The following NDRG3 variants were observed in gnomAD, a reference collection of about 807,000 sequenced individuals.
The protein encoded by NDRG3 is protein NDRG3.
NDRG3 carries 23 observed loss-of-function variants against 57.2 expected under a neutral mutation model. The ratio of observed to expected loss-of-function variants is 0.40; its 90% CI spans 0.29 to 0.57. NDRG3 has a LOEUF of 0.57. NDRG3 is among the 20% of genes least tolerant of loss of function. The pLI, the probability that NDRG3 is intolerant of heterozygous loss-of-function variation, is 0.42. For synonymous variants in NDRG3, 132 were observed against 162.6 expected, an observed-to-expected ratio of 0.81 and a Z score of 1.43; for missense variants, 384 against 457.3, an observed-to-expected ratio of 0.84 and a Z score of 1.46.
chr20:36,673,725 C>T (rs1018241994), intron 8 of NDRG3, among the ~76,000 whole-genome samples: 7 of 152,098 alleles, frequency 4.6e-5, no homozygotes, highest in African/African-American at 1.7e-4. Context: ...TTGCAATTTA[C>T]TAGCAGTGTA....
At chr20:36,715,672 G>A (rs770189462) in intron 2 of NDRG3, among the ~76,000 whole-genome samples, 5 of 151,334 alleles carry the variant, frequency 3.3e-5, no homozygotes, top group Non-Finnish European at 7.4e-5. Context: ...TTAAAAATTG[G>A]CCAGGCATGG....
At chr20:36,660,496 C>G (rs1182284745) in intron 12 of NDRG3, 112 bp from the exon 13 acceptor site, 2 of 590,446 alleles carry the variant, frequency 3.4e-6, no homozygotes, top group Non-Finnish European at 6.0e-6. Context: ...CTGGAGAAGG[C>G]TGAGCCAGCC....
In NDRG3 at chr20:36,706,974, G is replaced by T. The variant is rs1983584294; in HGVS notation, c.91C>A (p.Gln31Lys). 1.2e-6 allele frequency: 2 copies of T among 1,613,514 alleles called. No individual in the cohort carries two copies. The highest frequency in any genetic ancestry group is 8.5e-7 in the Non-Finnish European group (1 of 1,179,510). ...CTTCTTGCTTGTACAGTCCTTACCT[G>T]ACAGTCAAAGTCCTGGAAGTTTCTT... ...GTRNFQDFDC[Q>K]EHDIETTHGV... The change falls in exon 3 of 16, where the codon CAG (glutamine) becomes AAG (lysine). Residue 31 changes from glutamine to lysine, a missense_variant and splice_region_variant. By Grantham distance (53) the Gln-to-Lys change is moderately conservative. Coordinates refer to ENST00000349004, the MANE Select transcript of NDRG3 (RefSeq NM_032013.4).
rs149815764 is a variant in NDRG3, at chr20:36,737,743, C to T, written c.-49+8302G>A. On this transcript the variant is annotated intron_variant, in intron 1 of 15. Coordinates refer to ENST00000349004, the MANE Select transcript of NDRG3 (RefSeq NM_032013.4). ...CATTAATCCTTCTAATGCATATTCT[C>T]AGGTTAGGTTACGGGAGCTTACCAG... 1.4e-3 allele frequency among the ~76,000 whole-genome samples: 220 copies of T among 152,222 alleles called. 2 individuals carry two copies. Among genetic ancestry groups the T allele is most frequent in the Non-Finnish European group, 2.5e-3 (173 of 68,020 alleles).
rs762703387 is a variant in NDRG3, at chr20:36,671,332, G to C, written c.588+9C>G. The C allele has an allele frequency of 2.5e-6, 4 of 1,611,078 alleles. No homozygotes were observed. The Admixed American group carries it at 6.7e-5, about 27-fold the overall frequency. ...AAACACAGCTCTTCTGGGTGGAACA[G>C]GTACTTACCTGCCCAAAGTGATGAG... On this transcript the variant is annotated intron_variant, in intron 9 of 15. Transcript: ENST00000349004.
At chr20:36,729,844 C>T (rs1985168826) in intron 1 of NDRG3, among the ~76,000 whole-genome samples, 2 of 152,002 alleles carry the variant, frequency 1.3e-5, no homozygotes, top group Admixed American at 6.6e-5. Flanking sequence ...CAACAATCTT[C>T]AATAGAGATC....
At chr20:36,723,659 A>AGTGTGTGTGTGTGTGTGTGT (rs36022065) in intron 1 of NDRG3, among the ~76,000 whole-genome samples, 15 of 132,938 alleles carry the variant, frequency 1.1e-4, no homozygotes, top group African/African-American at 2.8e-4. Flanking sequence ...ATATTAGTCT[A>AGTGTGTGTGTGTGTGTGTGT]GTGTGTGTGT....
chr20:36,744,339 A>T (rs1986078664), intron 1 of NDRG3, among the ~76,000 whole-genome samples: 1 of 152,128 alleles, frequency 6.6e-6, no homozygotes, highest in Non-Finnish European at 1.5e-5. Flanking sequence ...ACTGAAGGGC[A>T]GGAAGGAGGA....
intron 8 of NDRG3, among the ~76,000 whole-genome samples, chr20:36,676,160 A>G (rs1980684747): frequency 6.6e-6 from 1 of 152,072 alleles, no homozygotes. Flanking sequence ...GAATGGCGTG[A>G]ACCCGGGAGG....
chr20:36,695,497 T>C (rs1982697813), intron 3 of NDRG3, among the ~76,000 whole-genome samples: 1 of 152,148 alleles, frequency 6.6e-6, no homozygotes, highest in African/African-American at 2.4e-5. Flanking sequence ...TTAACAGCCC[T>C]GGGAAAAGAA....
chr20:36,703,654 G>A (rs1386890808), intron 3 of NDRG3, among the ~76,000 whole-genome samples: 2 of 152,046 alleles, frequency 1.3e-5, no homozygotes, highest in Non-Finnish European at 2.9e-5. Context: ...GTCTCCCTAT[G>A]TTGCTCAGGC....
intron 8 of NDRG3, among the ~76,000 whole-genome samples, chr20:36,674,722 C>T (rs1033402518): frequency 1.3e-5 from 2 of 151,240 alleles, no homozygotes; most frequent in Admixed American, 6.6e-5. Flanking sequence ...TTCAGCCTCC[C>T]GAGTAGCTGG....
At chr20:36,666,990 T>C (rs1444342070) in intron 9 of NDRG3, among the ~76,000 whole-genome samples, 1 of 152,138 alleles carries the variant, frequency 6.6e-6, no homozygotes, top group African/African-American at 2.4e-5. Flanking sequence ...TGCACCACCA[T>C]GCTCAGCTAA....
intron 13 of NDRG3, 85 bp downstream of exon 13, chr20:36,660,252 G>C: frequency 9.4e-7 from 1 of 1,068,586 alleles, no homozygotes; most frequent in Non-Finnish European, 1.4e-6. Context: ...GGGAAGCTTT[G>C]CTCCTTTCTA....
At chr20:36,654,733 T>G (rs2148013281) in intron 15 of NDRG3, 1 of 777,674 alleles carries the variant, frequency 1.3e-6, no homozygotes, top group South Asian at 1.3e-5. Context: ...ACCGCGGACA[T>G]GCTGCAGGCA....
intron 7 of NDRG3, among the ~76,000 whole-genome samples, chr20:36,681,210 C>A (rs1981258635): frequency 6.6e-6 from 1 of 152,142 alleles, no homozygotes; most frequent in South Asian, 2.1e-4. Flanking sequence ...TTGGCACAAG[C>A]AGCTGCTCCA....
chr20:36,703,342 T>C (rs1040388017), intron 3 of NDRG3, among the ~76,000 whole-genome samples: 1 of 152,004 alleles, frequency 6.6e-6, no homozygotes, highest in East Asian at 1.9e-4. Context: ...TGGATATATA[T>C]ACCCACACAC....
rs1978321954 is a variant in NDRG3, at chr20:36,652,493, C to T, written c.*1027G>A. 6.6e-6 allele frequency: 1 copy of T among 152,104 alleles called. No homozygotes were observed. The highest frequency in any genetic ancestry group is 2.1e-4 in the South Asian group (1 of 4,832). 9.4% of individuals were successfully genotyped at this position (152,104 alleles called of 1,614,324 possible). A position where few individuals can be genotyped will look rare whatever the true frequency, so the allele number is the denominator to read the frequency against. The stretch of plus-strand genomic sequence containing the variant: ...TACATCTACTGAAATCAAGGCTATA[C>T]TTGTTAAACATGATACTGTGTTAAT... On this transcript the variant is annotated 3_prime_UTR_variant, in exon 16 of 16. Coordinates refer to ENST00000349004, the MANE Select transcript of NDRG3 (RefSeq NM_032013.4).
chr20:36,732,839 A>G (rs1428793590), intron 1 of NDRG3, among the ~76,000 whole-genome samples: 1 of 151,978 alleles, frequency 6.6e-6, no homozygotes, highest in Non-Finnish European at 1.5e-5. Flanking sequence ...GCTCACTGAG[A>G]TTTCAAGCAC....
Sources: gnomAD v4.1 joint callset for allele counts (sites outside exome capture counted in the v4.1 genomes callset) on GRCh38, gnomAD v4.1.1 for gene constraint, MANE v1.5 for transcripts, NCBI Gene and HGNC (gene_info 2026-07-23, HGNC 2026-07-21) for gene names.